Variants in RGSL1 observed in about 807,000 individuals in gnomAD.
The protein encoded by RGSL1 is regulator of G protein signaling protein-like.
Under a neutral mutation model 124.7 loss-of-function variants are expected in RGSL1, and 97 were observed. That is an observed-to-expected ratio of 0.78 (90% CI 0.66 to 0.92). The LOEUF (loss-of-function observed/expected upper bound fraction) is 0.92, where lower values mean the gene tolerates loss of function less well. Ranked by LOEUF, RGSL1 falls within the 40% of genes least tolerant of loss-of-function variation. RGSL1 has a pLI of 0.00. For synonymous variants in RGSL1, 424 were observed against 438.1 expected, an observed-to-expected ratio of 0.97 and a Z score of 0.40; for missense variants, 1,233 against 1,288.4, an observed-to-expected ratio of 0.96 and a Z score of 0.66.
intron 3 of RGSL1, 137 bp downstream of exon 3, chr1:182,458,530 T>G (rs1335986122): frequency 1.4e-6 from 1 of 711,060 alleles, no homozygotes; most frequent in East Asian, 2.7e-5. Flanking sequence ...AGTGCGGTGA[T>G]GCGATCTTAG....
At chr1:182,527,795 G>C (rs1272690376) in intron 11 of RGSL1, 23 bp downstream of exon 11, 2 of 1,528,166 alleles carry the variant, frequency 1.3e-6, no homozygotes, top group South Asian at 1.2e-5. Context: ...TTCTGATCCT[G>C]TTTTCTCTCT....
At chr1:182,448,084 G>C (rs1444139408), upstream of RGSL1, 1 of 151,988 alleles carries the variant, frequency 6.6e-6, no homozygotes, top group Non-Finnish European at 1.5e-5. Flanking sequence ...TCATTTCCAG[G>C]GTAACTGTGC....
intron 6 of RGSL1, among the ~76,000 whole-genome samples, chr1:182,483,290 G>C (rs1654849037): frequency 6.6e-6 from 1 of 151,980 alleles, no homozygotes. Context: ...AAACCAAAGG[G>C]AACAGGAGGA....
chr1:182,522,523 A>C (rs1187693536), intron 10 of RGSL1, among the ~76,000 whole-genome samples: 1 of 152,100 alleles, frequency 6.6e-6, no homozygotes, highest in Non-Finnish European at 1.5e-5. Flanking sequence ...TAGCCTCCTA[A>C]CTGGTTCCTT....
Position 182,550,114 on chromosome 1 carries a change from C to A in RGSL1, c.2934-986C>A, listed in dbSNP as rs964632410. Reference sequence around the variant, plus strand: ...TGCAAACTGTGTTTACATATATTATCTTAAACGAACCTCTCCACAACCCTA... The same window carrying A: ...TGCAAACTGTGTTTACATATATTATATTAAACGAACCTCTCCACAACCCTA... On this transcript the variant is annotated intron_variant, in intron 17 of 21. Transcript: ENST00000294854. 5.3e-5 allele frequency: 8 copies of A among 152,280 alleles called. 1 individual carries two copies. Among genetic ancestry groups the A allele is most frequent in the East Asian group, 1.9e-4 (1 of 5,184 alleles). The allele number at this position is 152,280 out of a possible 1,614,324, so 9.4% of individuals were successfully genotyped here.
At chr1:182,474,676 G>T in intron 6 of RGSL1, 134 bp downstream of exon 6, 2 of 1,326,896 alleles carry the variant, frequency 1.5e-6, no homozygotes, top group East Asian at 2.5e-5. Flanking sequence ...TTGAAGAGTT[G>T]GTTGATCTGT....
chr1:182,553,308 G>A, intron 18 of RGSL1, 147 bp from the exon 19 acceptor site: 1 of 642,820 alleles, frequency 1.6e-6, no homozygotes, highest in Non-Finnish European at 2.7e-6. Context: ...CATCTCACAT[G>A]CAAAGATTTA....
intron 9 of RGSL1, among the ~76,000 whole-genome samples, chr1:182,500,521 C>G (rs1186115869): frequency 6.6e-6 from 1 of 151,796 alleles, no homozygotes; most frequent in Non-Finnish European, 1.5e-5. Context: ...GTTTTTGGAC[C>G]AACTTTTCCA....
intron 10 of RGSL1, among the ~76,000 whole-genome samples, chr1:182,526,455 C>T (rs1009028888): frequency 5.3e-5 from 8 of 151,984 alleles, no homozygotes; most frequent in Non-Finnish European, 1.2e-4. Flanking sequence ...ATTGCTTGAG[C>T]TCAGGAGTTT....
chr1:182,488,869 T>C (rs1465402244), intron 7 of RGSL1, 111 bp from the exon 8 acceptor site: 1 of 784,344 alleles, frequency 1.3e-6, no homozygotes, highest in South Asian at 2.0e-5. Context: ...GAAAACAACC[T>C]GCATAAGACC....
intron 9 of RGSL1, among the ~76,000 whole-genome samples, chr1:182,498,882 T>A (rs1240022290): frequency 6.6e-6 from 1 of 150,792 alleles, no homozygotes; most frequent in Non-Finnish European, 1.5e-5. Context: ...AACCTCCACC[T>A]CCTGGGTTCA....
intron 6 of RGSL1, among the ~76,000 whole-genome samples, chr1:182,480,600 C>T (rs535736487): frequency 2.6e-5 from 4 of 151,976 alleles, no homozygotes; most frequent in East Asian, 1.9e-4. Context: ...GAATTACAGG[C>T]GCCCACCACC....
Position 182,554,662 on chromosome 1 carries a change from G to A in RGSL1, c.3166G>A (p.Val1056Ile). The change falls in exon 20 of 22, where the codon GTA becomes ATA. Residue 1056 changes from valine to isoleucine, a missense_variant. Transcript: ENST00000294854. ...SSKLTQPRLV[V>I]SAMQLHPVQG... is the part of the protein sequence containing the mutation. ...CAAACTTACTCAGCCAAGACTCGTG[G>A]TATCTGCCATGCAGCTGCATCCCGT... is the stretch of plus-strand genomic sequence containing the variant. The A allele has an allele frequency of 1.9e-6, 3 of 1,551,706 alleles. No homozygotes were observed. Among genetic ancestry groups the A allele is most frequent in the Non-Finnish European group, 2.6e-6 (3 of 1,147,000 alleles).
intron 10 of RGSL1, among the ~76,000 whole-genome samples, chr1:182,525,272 A>G (rs1317200495): frequency 6.6e-6 from 1 of 152,182 alleles, no homozygotes; most frequent in Non-Finnish European, 1.5e-5. Flanking sequence ...AGTATGGTCC[A>G]TCCACAGGGA....
intron 7 of RGSL1, chr1:182,488,775 A>C: frequency 2.1e-6 from 1 of 485,924 alleles, no homozygotes; most frequent in Non-Finnish European, 3.6e-6. Context: ...TCACAACCAC[A>C]GAAAATTTCT....
At chr1:182,533,795 G>A (rs188981734) in intron 14 of RGSL1, among the ~76,000 whole-genome samples, 39 of 152,300 alleles carry the variant, frequency 2.6e-4, no homozygotes, top group Middle Eastern at 3.4e-3. Context: ...TGATCCCGGC[G>A]ATAATTGCAG....
At chr1:182,481,735 C>G (rs182167461) in intron 6 of RGSL1, among the ~76,000 whole-genome samples, 5 of 135,472 alleles carry the variant, frequency 3.7e-5, no homozygotes, top group African/African-American at 1.5e-4. Context: ...GTAACCCCAG[C>G]ACTTTGCGAG....
At chr1:182,540,556 A>G (rs1318217222) in intron 15 of RGSL1, 135 bp downstream of exon 15, 8 of 627,482 alleles carry the variant, frequency 1.3e-5, no homozygotes, top group Non-Finnish European at 1.9e-5. Context: ...CCTTCTGAAA[A>G]TCTTACTGAA....
chr1:182,494,090 C>T (rs1655729663), intron 9 of RGSL1, among the ~76,000 whole-genome samples: 1 of 152,176 alleles, frequency 6.6e-6, no homozygotes. Context: ...AGACTCTCAT[C>T]TCTGGGATAC....
Sources: gnomAD v4.1 joint callset for allele counts (sites outside exome capture counted in the v4.1 genomes callset) on GRCh38, gnomAD v4.1.1 for gene constraint, MANE v1.5 for transcripts, NCBI Gene and HGNC (gene_info 2026-07-23, HGNC 2026-07-21) for gene names.